Variants in NREP observed in about 807,000 individuals in gnomAD.
NREP encodes the protein neuronal regeneration related protein.
In NREP, 5 loss-of-function variants were observed where a neutral mutation model predicts 8.6. The observed-to-expected ratio is 0.58, with a 90% CI of 0.30 to 1.22. NREP has a LOEUF of 1.22. Ranked by LOEUF, NREP falls within the 50% of genes most tolerant of loss-of-function variation. NREP has a pLI of 0.07. For missense variants in NREP, 86 were observed against 82.5 expected (o/e 1.04, Z -0.17); for synonymous variants, 27 against 28.0 (o/e 0.96, Z 0.11).
At chr5:111,765,617 A>T (rs1751063094) in intron 2 of NREP, among the ~76,000 whole-genome samples, 1 of 152,230 alleles carries the variant, frequency 6.6e-6, no homozygotes, top group Admixed American at 6.5e-5. Context: ...CTGGGATGTG[A>T]ACCCAAGAAG....
intron 1 of NREP, chr5:111,976,689 A>T: frequency 6.5e-7 from 1 of 1,545,736 alleles, no homozygotes; most frequent in Non-Finnish European, 8.8e-7. Context: ...ATGCATACAC[A>T]GTAAGTTATT....
chr5:111,900,457 C>G (rs1226898897), intron 2 of NREP, among the ~76,000 whole-genome samples: 1 of 150,986 alleles, frequency 6.6e-6, no homozygotes, highest in Non-Finnish European at 1.5e-5. Flanking sequence ...AAAATAAATA[C>G]AAAGGATCAA....
intron 2 of NREP, among the ~76,000 whole-genome samples, chr5:111,770,336 G>C (rs1473139569): frequency 6.6e-6 from 1 of 152,032 alleles, no homozygotes; most frequent in Non-Finnish European, 1.5e-5. Flanking sequence ...AAGATACATA[G>C]AATTTGTGGA....
intron 2 of NREP, among the ~76,000 whole-genome samples, chr5:111,923,085 G>A (rs1175879686): frequency 6.6e-6 from 1 of 152,172 alleles, no homozygotes; most frequent in African/African-American, 2.4e-5. Flanking sequence ...TTAGGAGTGA[G>A]AAACTGTCTC....
chr5:111,950,806 C>G (rs926204698), intron 2 of NREP, among the ~76,000 whole-genome samples: 1 of 151,746 alleles, frequency 6.6e-6, no homozygotes, highest in Admixed American at 6.6e-5. Flanking sequence ...TGAAAAAAAG[C>G]TCATCATCAC....
At chr5:111,853,270 A>C (rs1175014022) in intron 2 of NREP, among the ~76,000 whole-genome samples, 1 of 152,112 alleles carries the variant, frequency 6.6e-6, no homozygotes, top group African/African-American at 2.4e-5. Flanking sequence ...GAGCACAGGG[A>C]AATTTTAGGG....
At chr5:111,825,290 G>A (rs186882981) in intron 2 of NREP, among the ~76,000 whole-genome samples, 1 of 152,132 alleles carries the variant, frequency 6.6e-6, no homozygotes, top group Non-Finnish European at 1.5e-5. Context: ...TCAAAGCAAA[G>A]TGCTCATTGT....
intron 2 of NREP, among the ~76,000 whole-genome samples, chr5:111,737,851 G>A (rs1437633739): frequency 6.6e-6 from 1 of 151,478 alleles, no homozygotes; most frequent in Admixed American, 6.6e-5. Context: ...TTGTTACACT[G>A]ACCAAGGCTT....
chr5:111,789,737 T>C lies in NREP; in HGVS notation c.136-54230A>G, dbSNP rs143792733. Among the ~76,000 whole-genome samples, 212 of 152,332 alleles carry C rather than the reference T, an allele frequency of 1.4e-3. 2 individuals are homozygous for C. In the South Asian group the frequency reaches 0.02, roughly 14 times the overall value. On this transcript the variant is annotated intron_variant, in intron 2 of 3. Coordinates refer to the NREP transcript ENST00000395634. Reference sequence around the variant, plus strand: ...ATAATATGAGATTATTAGCAGCTTTTATTGACCCTCTCTTTGTCATTAATC... The same window carrying C: ...ATAATATGAGATTATTAGCAGCTTTCATTGACCCTCTCTTTGTCATTAATC...
At chr5:111,755,617 C>T (rs1382479893) in intron 2 of NREP, 153 bp downstream of exon 2, 7 of 810,402 alleles carry the variant, frequency 8.6e-6, no homozygotes, top group African/African-American at 5.0e-5. Context: ...TGCTGTACTG[C>T]AACGCTCCCA....
chr5:111,848,493 A>G (rs1276409647), intron 2 of NREP, among the ~76,000 whole-genome samples: 1 of 152,098 alleles, frequency 6.6e-6, no homozygotes, highest in Non-Finnish European at 1.5e-5. Flanking sequence ...TCAGGCATAC[A>G]AAAGAGAAAG....
chr5:111,760,084 G>A (rs1039394733), upstream of NREP, among the ~76,000 whole-genome samples: 5 of 152,222 alleles, frequency 3.3e-5, no homozygotes, highest in Non-Finnish European at 7.3e-5. Flanking sequence ...CAGCTAAGAT[G>A]TCTCAACCCT....
chr5:111,945,821 A>G (rs1452347319), intron 2 of NREP, among the ~76,000 whole-genome samples: 2 of 151,982 alleles, frequency 1.3e-5, no homozygotes, highest in African/African-American at 4.8e-5. Flanking sequence ...GTTTGCAAAA[A>G]AAGAGGGAAG....
intron 2 of NREP, among the ~76,000 whole-genome samples, chr5:111,953,190 A>G (rs753823720): frequency 6.6e-6 from 1 of 152,034 alleles, no homozygotes; most frequent in African/African-American, 2.4e-5. Context: ...CCTTCAACCA[A>G]TGCATCACCT....
rs1358630553 is a variant in NREP at position 111,731,424 on chromosome 5, T to C, written c.82-378A>G. ...AGATACTCACAGGAGTGTCAGTTGA[T>C]AATTATAAAAAAAAAAAAAAAGAGT... On this transcript the variant is annotated intron_variant, in intron 3 of 3. Coordinates refer to ENST00000257435, the MANE Select transcript of NREP (RefSeq NM_004772.4). 1.2e-4 allele frequency among the ~76,000 whole-genome samples: 5 copies of C among 41,322 alleles called. No homozygotes were observed. The East Asian group carries it at 1.8e-3, about 15-fold the overall frequency. 27.1% of individuals were successfully genotyped at this position (41,322 alleles called of 152,430 possible). A position where few individuals can be genotyped will look rare whatever the true frequency, so the allele number is the denominator to read the frequency against.
At chr5:111,932,395 T>C (rs892847743) in intron 2 of NREP, among the ~76,000 whole-genome samples, 3 of 152,082 alleles carry the variant, frequency 2.0e-5, no homozygotes, top group African/African-American at 7.2e-5. Flanking sequence ...AACATAGCCA[T>C]CCCACAGTTA....
chr5:111,850,891 A>G (rs1753290966), intron 2 of NREP, among the ~76,000 whole-genome samples: 1 of 152,210 alleles, frequency 6.6e-6, no homozygotes, highest in African/African-American at 2.4e-5. Context: ...CAGGGTTTGA[A>G]TTACTAATTC....
intron 2 of NREP, among the ~76,000 whole-genome samples, chr5:111,753,330 TTATATATATA>T (rs10546970): frequency 4.3e-5 from 6 of 140,800 alleles, no homozygotes; most frequent in African/African-American, 1.0e-4. Context: ...CAAGTTGATT[TTATATATATA>T]TATATATATA....
upstream of NREP, chr5:111,757,831 G>A (rs1750832582): frequency 1.0e-6 from 1 of 964,070 alleles, no homozygotes; most frequent in South Asian, 4.8e-5. Context: ...ATAAGGAGGT[G>A]GAGGAGGCGG....
Sources: allele counts gnomAD v4.1 joint callset (sites outside exome capture counted in the v4.1 genomes callset), GRCh38; gene constraint gnomAD v4.1.1; transcripts MANE v1.5; gene names NCBI Gene and HGNC (gene_info 2026-07-23, HGNC 2026-07-21).